Variants in FBXW11 observed in about 807,000 individuals in gnomAD.
FBXW11 encodes the protein F-box and WD repeat domain containing 11, also known as F-box/WD repeat-containing protein 11.
In FBXW11, 19 loss-of-function variants were observed where a neutral mutation model predicts 77.6. That is an observed-to-expected ratio of 0.24 (90% CI 0.17 to 0.36). The LOEUF (loss-of-function observed/expected upper bound fraction) is 0.36, where lower values mean the gene tolerates loss of function less well. Among genes scored for constraint, FBXW11 ranks in the 10% least tolerant of loss-of-function variants. The pLI is 1.00. For missense variants in FBXW11, 334 were observed against 704.2 expected (o/e 0.47, Z 5.95); for synonymous variants, 235 against 249.4 (o/e 0.94, Z 0.54).
chr5:171,932,938 G>A (rs1017640059), intron 2 of FBXW11, among the ~76,000 whole-genome samples: 2 of 138,082 alleles, frequency 1.4e-5, no homozygotes, highest in Admixed American at 7.4e-5. Context: ...ACAACATAGG[G>A]AGACTCTGCC....
intron 1 of FBXW11, among the ~76,000 whole-genome samples, chr5:172,003,553 C>T (rs1332256821): frequency 6.6e-6 from 1 of 152,174 alleles, no homozygotes; most frequent in East Asian, 1.9e-4. Context: ...TAAAAGTCAT[C>T]TGGCGGTTAA....
chr5:171,994,599 G>C (rs866753169), intron 1 of FBXW11, among the ~76,000 whole-genome samples: 5 of 152,232 alleles, frequency 3.3e-5, no homozygotes, highest in South Asian at 2.1e-4. Flanking sequence ...TACTCAACCT[G>C]TATAAGGATA....
chr5:171,986,543 A>G (rs1765450702), intron 1 of FBXW11, among the ~76,000 whole-genome samples: 1 of 152,058 alleles, frequency 6.6e-6, no homozygotes, highest in East Asian at 1.9e-4. Flanking sequence ...CCTGGCCAAC[A>G]TGGCAAAGCC....
At chr5:171,981,149 A>T (rs1023613699) in intron 1 of FBXW11, among the ~76,000 whole-genome samples, 11 of 5,980 alleles carry the variant, frequency 1.8e-3, no homozygotes, top group African/African-American at 2.2e-3. Context: ...ACCTCCATTA[A>T]AAAAAAAAAT....
Position 171,877,239 on chromosome 5 carries a change from T to G in FBXW11, c.972-705A>C, listed in dbSNP as rs566813069. Among the ~76,000 whole-genome samples the G allele has an allele frequency of 1.8e-4, 27 of 152,190 alleles. No individual in the cohort carries two copies. The South Asian group carries it at 3.7e-3, about 21-fold the overall frequency. ...GATGGCAAAAGATGATTCCTCTAGA[T>G]AGTAGATTTTGTATTGAGTCTGAGA... is the stretch of plus-strand genomic sequence containing the variant. On this transcript the variant is annotated intron_variant, in intron 8 of 13. Transcript: ENST00000517395.
At position 171,994,838 on chromosome 5, in the gene FBXW11, G is replaced by A. The variant is rs1581093607; in HGVS notation, c.45+11620C>T. 2.0e-5 allele frequency among the ~76,000 whole-genome samples: 3 copies of A among 152,202 alleles called. 1 individual carries two copies. The highest frequency in any genetic ancestry group is 2.0e-4 in the Admixed American group (3 of 15,286). ...AGATTACTTGAGGCCCGGAGTTTGA[G>A]ACCAGCCTGGCCAACATGGCGAAAC... On this transcript the variant is annotated intron_variant, in intron 1 of 13. Coordinates refer to ENST00000517395, the MANE Select transcript of FBXW11 (RefSeq NM_001378974.1).
rs574713743 is a variant in FBXW11 at position 171,966,823 on chromosome 5, G to A, written c.46-9125C>T. On this transcript the variant is annotated intron_variant, in intron 1 of 13. Coordinates refer to ENST00000517395, the MANE Select transcript of FBXW11 (RefSeq NM_001378974.1). ...GTTAAATGACATGAAAATTAACAAA[G>A]AAGGATAAATTGGGAGGGGGTACAA... Among the ~76,000 whole-genome samples, 7 of 152,276 alleles carry A rather than the reference G, an allele frequency of 4.6e-5. No homozygotes were observed. The South Asian group carries it at 1.2e-3, about 27-fold the overall frequency.
At chr5:171,967,881 T>TACACACAC (rs1284088153) in intron 1 of FBXW11, among the ~76,000 whole-genome samples, 1 of 64,920 alleles carries the variant, frequency 1.5e-5, no homozygotes, top group African/African-American at 6.4e-5. Context: ...TATATATATA[T>TACACACAC]ATACACACAC....
In FBXW11 at chr5:171,916,108, G is replaced by GGGA. The variant is rs1581196563; in HGVS notation, c.148-1704_148-1703insTCC. On this transcript the variant is annotated intron_variant, in intron 2 of 13. Transcript: ENST00000517395. ...CCTGTCGTGGGGTGGGGGGAGGTGGGGGGATAGCATTAGGAGATATACCTA... is the reference window on the plus strand; with the variant it reads ...CCTGTCGTGGGGTGGGGGGAGGTGGGGGAGGGATAGCATTAGGAGATATACCTA... Among the ~76,000 whole-genome samples, 8 of 151,654 alleles carry GGGA rather than the reference G, an allele frequency of 5.3e-5. No individual in the cohort carries two copies. The East Asian group carries it at 7.8e-4, about 15-fold the overall frequency.
chr5:171,964,423 G>C (rs895883581), intron 1 of FBXW11, among the ~76,000 whole-genome samples: 4 of 152,212 alleles, frequency 2.6e-5, no homozygotes, highest in Non-Finnish European at 5.9e-5. Flanking sequence ...GGGCTCAAGG[G>C]GAGTACATAA....
chr5:171,934,467 C>G (rs1762369333), intron 2 of FBXW11, among the ~76,000 whole-genome samples: 1 of 151,944 alleles, frequency 6.6e-6, no homozygotes, highest in African/African-American at 2.4e-5. Context: ...CACTTGAGGC[C>G]AGGGTTCAAG....
chr5:171,927,563 T>A (rs1561691666), intron 2 of FBXW11, among the ~76,000 whole-genome samples: 1 of 152,224 alleles, frequency 6.6e-6, no homozygotes, highest in Non-Finnish European at 1.5e-5. Context: ...GGATGACCAC[T>A]GGACCATTTT....
chr5:171,992,954 A>G (rs1177815665), intron 1 of FBXW11, among the ~76,000 whole-genome samples: 1 of 152,114 alleles, frequency 6.6e-6, no homozygotes, highest in Non-Finnish European at 1.5e-5. Context: ...GGATTACAGC[A>G]GTGATAAAGG....
chr5:171,978,367 T>C (rs1314988042), intron 1 of FBXW11, among the ~76,000 whole-genome samples: 3 of 152,180 alleles, frequency 2.0e-5, no homozygotes, highest in African/African-American at 7.2e-5. Flanking sequence ...CCTCCACATA[T>C]ATAAGTTTTT....
At chr5:171,995,553 A>G (rs1765991000) in intron 1 of FBXW11, among the ~76,000 whole-genome samples, 1 of 152,104 alleles carries the variant, frequency 6.6e-6, no homozygotes, top group Non-Finnish European at 1.5e-5. Flanking sequence ...GGAGATCGAG[A>G]CCATCCTGGC....
intron 1 of FBXW11, among the ~76,000 whole-genome samples, chr5:171,998,715 T>C: frequency 6.7e-6 from 1 of 149,202 alleles, no homozygotes; most frequent in Non-Finnish European, 1.5e-5. Flanking sequence ...GAGAATCACT[T>C]GAACCCGGGA....
chr5:171,888,373 A>T (rs1214915418), intron 7 of FBXW11, among the ~76,000 whole-genome samples: 1 of 152,240 alleles, frequency 6.6e-6, no homozygotes, highest in African/African-American at 2.4e-5. Flanking sequence ...AGGCTGTCTC[A>T]ATGAGCTGAT....
chr5:171,931,069 G>A (rs916562073), intron 2 of FBXW11, among the ~76,000 whole-genome samples: 17 of 152,168 alleles, frequency 1.1e-4, no homozygotes, highest in African/African-American at 3.9e-4. Context: ...TGGAAAGGAA[G>A]ATTCAATAAG....
chr5:171,976,921 C>A (rs2113462069), intron 1 of FBXW11, among the ~76,000 whole-genome samples: 1 of 152,028 alleles, frequency 6.6e-6, no homozygotes, highest in South Asian at 2.1e-4. Flanking sequence ...TGGTGCATGT[C>A]TGTAATCCCA....
Sources: gnomAD v4.1 joint callset for allele counts (sites outside exome capture counted in the v4.1 genomes callset) on GRCh38, gnomAD v4.1.1 for gene constraint, MANE v1.5 for transcripts, NCBI Gene and HGNC (gene_info 2026-07-23, HGNC 2026-07-21) for gene names.